PLA2R1: variants seen among roughly 807,000 people sequenced by gnomAD.
PLA2R1 encodes the protein secretory phospholipase A2 receptor.
A neutral mutation model predicts 195.9 loss-of-function variants in PLA2R1; 158 were observed. That is an observed-to-expected ratio of 0.81 (90% CI 0.71 to 0.92). PLA2R1 has a LOEUF of 0.92. PLA2R1 is among the 40% of genes least tolerant of loss of function. PLA2R1 has a pLI of 0.00. For missense variants in PLA2R1, 1,626 were observed against 1,764.6 expected, an observed-to-expected ratio of 0.92 and a Z score of 1.41; for synonymous variants, 586 against 598.2, an observed-to-expected ratio of 0.98 and a Z score of 0.30.
At chr2:159,964,687 C>T (rs1688668482) in intron 20 of PLA2R1, among the ~76,000 whole-genome samples, 1 of 151,712 alleles carries the variant, frequency 6.6e-6, no homozygotes, top group African/African-American at 2.4e-5. Flanking sequence ...TAGGGCTAAG[C>T]TGACATGGCA....
At chr2:160,046,560 A>G (rs1694889546) in intron 1 of PLA2R1, among the ~76,000 whole-genome samples, 1 of 152,198 alleles carries the variant, frequency 6.6e-6, no homozygotes. Flanking sequence ...ACTGATTTAC[A>G]GTAACCAAAA....
At chr2:159,951,963 A>C (rs945205812) in intron 23 of PLA2R1, among the ~76,000 whole-genome samples, 1 of 152,218 alleles carries the variant, frequency 6.6e-6, no homozygotes. Flanking sequence ...TATTAATAGC[A>C]GAAAGGCACA....
chr2:159,947,411 AC>A lies in PLA2R1; in HGVS notation c.3850+7del. On this transcript the variant is annotated splice_region_variant and intron_variant, in intron 26 of 29. Coordinates refer to ENST00000283243, the MANE Select transcript of PLA2R1 (RefSeq NM_007366.5). ...TGAAAGCATTTTTACCATCACAAAA[AC>A]AATTACCTTCCTTTTTGCAAAATTC... 1 of 1,592,120 alleles carries A rather than the reference AC, an allele frequency of 6.3e-7. No homozygotes were observed. Among genetic ancestry groups the A allele is most frequent in the Non-Finnish European group, 8.5e-7 (1 of 1,172,282 alleles).
chr2:160,004,630 C>T (rs1215295583), intron 11 of PLA2R1, among the ~76,000 whole-genome samples: 1 of 152,206 alleles, frequency 6.6e-6, no homozygotes, highest in Non-Finnish European at 1.5e-5. Flanking sequence ...TAGATACAAA[C>T]TTAGTAACTC....
chr2:160,027,775 T>G (rs535142623), intron 6 of PLA2R1, among the ~76,000 whole-genome samples: 33 of 152,208 alleles, frequency 2.2e-4, no homozygotes, highest in African/African-American at 8.0e-4. Flanking sequence ...AAGTTCTGCA[T>G]GTAATTTCAG....
In PLA2R1 at chr2:159,936,983, T is replaced by C. The variant is rs1686865458; in HGVS notation, c.*4795A>G. ...TAAAAGGAGGTTTGTTATAACAATA[T>C]CCCTCTATTACTTGAATTCCTTTCT... On this transcript the variant is annotated 3_prime_UTR_variant, in exon 30 of 30. Transcript: ENST00000283243. The C allele has an allele frequency of 6.6e-6, 1 of 152,228 alleles. No individual in the cohort carries two copies. Among genetic ancestry groups the C allele is most frequent in the African/African-American group, 2.4e-5 (1 of 41,454 alleles). 9.4% of individuals were successfully genotyped at this position (152,228 alleles called of 1,614,324 possible). A position where few individuals can be genotyped will look rare whatever the true frequency, so the allele number is the denominator to read the frequency against.
At chr2:159,931,156 G>T (rs995970993), downstream of PLA2R1, among the ~76,000 whole-genome samples, 2 of 152,194 alleles carry the variant, frequency 1.3e-5, no homozygotes, top group Non-Finnish European at 2.9e-5. Flanking sequence ...TCCCTCATAC[G>T]CTTAGCACCA....
chr2:159,965,034 A>G (rs1394409352), intron 20 of PLA2R1, among the ~76,000 whole-genome samples: 1 of 152,204 alleles, frequency 6.6e-6, no homozygotes, highest in African/African-American at 2.4e-5. Context: ...CTCAAAAAAA[A>G]CCAGGAAGGT....
intron 23 of PLA2R1, among the ~76,000 whole-genome samples, chr2:159,953,578 G>A (rs1191748461): frequency 2.6e-5 from 4 of 152,338 alleles, no homozygotes; most frequent in Middle Eastern, 3.4e-3. Context: ...CATGATCACA[G>A]AAGATAAGTA....
At chr2:159,974,946 T>C (rs1689443261) in intron 17 of PLA2R1, among the ~76,000 whole-genome samples, 1 of 152,158 alleles carries the variant, frequency 6.6e-6, no homozygotes, top group Non-Finnish European at 1.5e-5. Context: ...GGGCTTCATT[T>C]TATAGTCAAC....
chr2:159,986,577 T>C (rs1018887945), intron 12 of PLA2R1, among the ~76,000 whole-genome samples: 5 of 151,626 alleles, frequency 3.3e-5, no homozygotes, highest in Non-Finnish European at 7.4e-5. Flanking sequence ...CGCATGCTAT[T>C]TCTTTTCTTT....
intron 11 of PLA2R1, among the ~76,000 whole-genome samples, chr2:159,989,525 G>A (rs1029510553): frequency 9.9e-5 from 15 of 152,182 alleles, no homozygotes; most frequent in South Asian, 2.1e-4. Context: ...GACTTGGAGC[G>A]TGAAGTTTGG....
At position 160,042,136 on chromosome 2, in the gene PLA2R1, G is replaced by A; in HGVS notation, c.556C>T (p.His186Tyr). Residue 186 changes from histidine to tyrosine, a missense_variant, in exon 3 of 30, where the codon CAT becomes TAT. Coordinates refer to ENST00000283243, the MANE Select transcript of PLA2R1 (RefSeq NM_007366.5). ...MPCMFPFQYN[H>Y]QWHHECTREG... ...CGGGTACATTCATGATGCCACTGAT[G>A]GTTATACTGGAAGGGAAACATACAC... is the stretch of plus-strand genomic sequence containing the variant. The A allele has an allele frequency of 6.2e-7, 1 of 1,614,012 alleles. No homozygotes were observed. Among genetic ancestry groups the A allele is most frequent in the Non-Finnish European group, 8.5e-7 (1 of 1,179,832 alleles).
chr2:160,024,638 G>A (rs35200814), intron 6 of PLA2R1, among the ~76,000 whole-genome samples: 15,689 of 152,208 alleles, frequency 0.1, 1,148 homozygotes, highest in Admixed American at 0.26. Flanking sequence ...TCTCATGGGG[G>A]AATGGGTGCC....
At chr2:160,013,845 T>C (rs1692556160) in intron 9 of PLA2R1, among the ~76,000 whole-genome samples, 1 of 151,920 alleles carries the variant, frequency 6.6e-6, no homozygotes, top group South Asian at 2.1e-4. Flanking sequence ...TGCATGGGTT[T>C]GAATTCTGGC....
At chr2:160,049,333 A>C (rs1695079023) in intron 1 of PLA2R1, among the ~76,000 whole-genome samples, 1 of 152,132 alleles carries the variant, frequency 6.6e-6, no homozygotes, top group Non-Finnish European at 1.5e-5. Context: ...TTTAAACCGA[A>C]GTTTAGGTTA....
Position 159,956,519 on chromosome 2 carries a change from C to T in PLA2R1, c.3013G>A (p.Val1005Met). The T allele has an allele frequency of 6.3e-7, 1 of 1,598,520 alleles. No homozygotes were observed. The highest frequency in any genetic ancestry group is 1.3e-5 in the African/African-American group (1 of 74,744). The change falls in exon 21 of 30, where the codon GTG (valine) becomes ATG (methionine). Residue 1005 changes from valine (V) to methionine (M), a missense_variant. By Grantham distance (21) the Val-to-Met change is conservative. Coordinates refer to ENST00000283243, the MANE Select transcript of PLA2R1 (RefSeq NM_007366.5). ...ATCTTGAGTACTCTACCTTGCTCCA[C>T]CTCACTTTCAATGGCGACCAGGGTC... ...GGTLVAIESE[V>M]EQAFITMNLF...
At chr2:159,968,580 G>A (rs1688938875) in intron 19 of PLA2R1, among the ~76,000 whole-genome samples, 1 of 152,110 alleles carries the variant, frequency 6.6e-6, no homozygotes, top group Non-Finnish European at 1.5e-5. Flanking sequence ...ATTATTTTCT[G>A]TGTTTATCCC....
At chr2:159,989,822 G>C (rs1480438244) in intron 11 of PLA2R1, among the ~76,000 whole-genome samples, 1 of 152,158 alleles carries the variant, frequency 6.6e-6, no homozygotes, top group Non-Finnish European at 1.5e-5. Context: ...GTTTGAATCA[G>C]CAAGTTTGAA....
Sources: gnomAD v4.1 joint callset for allele counts (sites outside exome capture counted in the v4.1 genomes callset) on GRCh38, gnomAD v4.1.1 for gene constraint, MANE v1.5 for transcripts, NCBI Gene and HGNC (gene_info 2026-07-23, HGNC 2026-07-21) for gene names.